Variants in RFPL1 observed in about 807,000 individuals in gnomAD.
RFPL1 encodes the protein ret finger protein like 1.
RFPL1 carries 6 observed loss-of-function variants against 9.6 expected under a neutral mutation model. That is an observed-to-expected ratio of 0.62 (90% CI 0.34 to 1.23). The LOEUF is 1.23. Ranked by LOEUF, RFPL1 falls within the 50% of genes most tolerant of loss-of-function variation. The pLI is 0.03. For synonymous variants in RFPL1, 145 were observed against 149.4 expected (o/e 0.97, Z 0.22); for missense variants, 352 against 398.4 (o/e 0.88, Z 0.99).
the RFPL1 span, among the ~76,000 whole-genome samples, chr22:29,429,303 C>T: frequency 6.6e-6 from 1 of 152,194 alleles, no homozygotes; most frequent in Admixed American, 6.5e-5. Context: ...AATCCTCCTA[C>T]CTCAGCCTCC....
the RFPL1 span, among the ~76,000 whole-genome samples, chr22:29,422,697 C>G: frequency 1.3e-5 from 2 of 151,946 alleles, no homozygotes; most frequent in Non-Finnish European, 2.9e-5. Context: ...GAGCCAAGAT[C>G]GCGCCACTGC....
the RFPL1 span, among the ~76,000 whole-genome samples, chr22:29,395,810 TA>T: frequency 6.6e-6 from 1 of 151,986 alleles, no homozygotes; most frequent in African/African-American, 2.4e-5. Flanking sequence ...CTGTCTCTAC[TA>T]AAAACACAAA....
chr22:29,409,657 T>C, the RFPL1 span, among the ~76,000 whole-genome samples: 3 of 152,216 alleles, frequency 2.0e-5, no homozygotes, highest in Non-Finnish European at 4.4e-5. Context: ...CATTTCTCTG[T>C]CTGGAACAGA....
At chr22:29,416,423 A>G in the RFPL1 span, among the ~76,000 whole-genome samples, 1 of 151,328 alleles carries the variant, frequency 6.6e-6, no homozygotes, top group Admixed American at 6.6e-5. Flanking sequence ...ACAGCACTTG[A>G]TGTTTAGCAG....
chr22:29,429,005 C>A, the RFPL1 span, among the ~76,000 whole-genome samples: 1 of 152,058 alleles, frequency 6.6e-6, no homozygotes, highest in Non-Finnish European at 1.5e-5. Context: ...CAGAACTAAA[C>A]AAAATAGAGA....
the RFPL1 span, among the ~76,000 whole-genome samples, chr22:29,395,326 C>T: frequency 6.6e-6 from 1 of 152,120 alleles, no homozygotes; most frequent in African/African-American, 2.4e-5. Context: ...TCCTGCAAAT[C>T]TCTAAAAGTT....
At chr22:29,425,328 A>G in the RFPL1 span, among the ~76,000 whole-genome samples, 1 of 152,152 alleles carries the variant, frequency 6.6e-6, no homozygotes, top group Non-Finnish European at 1.5e-5. Flanking sequence ...ACCTTGGTAA[A>G]CCTTTCTGTT....
At chr22:29,395,999 A>AAAGAG in the RFPL1 span, among the ~76,000 whole-genome samples, 3 of 151,980 alleles carry the variant, frequency 2.0e-5, no homozygotes, top group Non-Finnish European at 4.4e-5. Flanking sequence ...AAATAAGAGA[A>AAAGAG]AAGAGAAGAG....
chr22:29,436,163 G>C (rs1274192200), upstream of RFPL1, among the ~76,000 whole-genome samples: 1 of 152,102 alleles, frequency 6.6e-6, no homozygotes, highest in African/African-American at 2.4e-5. Flanking sequence ...AGCTTGGGGA[G>C]AGGTCGGTAA....
chr22:29,407,438 G>A, the RFPL1 span, among the ~76,000 whole-genome samples: 1 of 151,538 alleles, frequency 6.6e-6, no homozygotes, highest in African/African-American at 2.4e-5. Flanking sequence ...ATGTAACTGA[G>A]GAAATACTTA....
At chr22:29,426,077 C>T in the RFPL1 span, among the ~76,000 whole-genome samples, 1 of 151,818 alleles carries the variant, frequency 6.6e-6, no homozygotes. Flanking sequence ...AATCCCAGTA[C>T]CTTGGGAGGC....
At chr22:29,430,444 A>G in the RFPL1 span, among the ~76,000 whole-genome samples, 1 of 152,264 alleles carries the variant, frequency 6.6e-6, no homozygotes, top group East Asian at 1.9e-4. Flanking sequence ...ATACTTTTAT[A>G]TTTATATATA....
chr22:29,439,294 T>C, intron 1 of RFPL1, 130 bp downstream of exon 1: 2 of 1,297,720 alleles, frequency 1.5e-6, no homozygotes, highest in East Asian at 4.6e-5. Flanking sequence ...TTCTTCATCA[T>C]CAGATTCTCA....
chr22:29,421,058 G>A, the RFPL1 span, among the ~76,000 whole-genome samples: 1 of 152,126 alleles, frequency 6.6e-6, no homozygotes, highest in Admixed American at 6.5e-5. Flanking sequence ...GAGGCTGTGA[G>A]AGGCTCAGTA....
At chr22:29,436,244 G>T (rs1348525131), upstream of RFPL1, among the ~76,000 whole-genome samples, 1 of 152,098 alleles carries the variant, frequency 6.6e-6, no homozygotes, top group Admixed American at 6.6e-5. Context: ...ATGGTCACTT[G>T]TACATGATTG....
chr22:29,396,774 G>A, the RFPL1 span, among the ~76,000 whole-genome samples: 1 of 151,558 alleles, frequency 6.6e-6, no homozygotes, highest in East Asian at 2.0e-4. Context: ...CACCACACCT[G>A]GCTAATTTTT....
the RFPL1 span, among the ~76,000 whole-genome samples, chr22:29,402,451 C>T: frequency 6.6e-6 from 1 of 152,166 alleles, no homozygotes; most frequent in Non-Finnish European, 1.5e-5. Context: ...GTTGGTAGGT[C>T]CTAGCATTTC....
the RFPL1 span, chr22:29,388,412 C>T: frequency 3.3e-5 from 5 of 152,640 alleles, no homozygotes; most frequent in African/African-American, 1.2e-4. Flanking sequence ...GCCCGGGTCC[C>T]CGCTTCCTCA....
exon 2 of RFPL1, chr22:29,441,947 A>T: frequency 6.2e-7 from 1 of 1,613,454 alleles, no homozygotes; most frequent in Non-Finnish European, 8.5e-7. Flanking sequence ...TCCTTTTTTG[A>T]TGCTGAAGGT....
Sources: allele counts gnomAD v4.1 joint callset (sites outside exome capture counted in the v4.1 genomes callset), GRCh38; gene constraint gnomAD v4.1.1; transcripts MANE v1.5; gene names NCBI Gene and HGNC (gene_info 2026-07-23, HGNC 2026-07-21).